The following CHODL variants were observed in gnomAD, a reference collection of about 807,000 sequenced individuals.
CHODL encodes transmembrane protein MT75.
Under a neutral mutation model 34.5 loss-of-function variants are expected in CHODL, and 29 were observed. The observed-to-expected ratio is 0.84, with a 90% CI of 0.63 to 1.15. The LOEUF is 1.15. Among genes scored for constraint, CHODL ranks in the 50% most tolerant of loss-of-function variants. The probability of loss-of-function intolerance (pLI) is 0.00; values close to 1 mark genes in which losing one functional copy is unlikely to be tolerated. For missense variants in CHODL, 332 were observed against 332.5 expected, an observed-to-expected ratio of 1.00 and a Z score of 0.01; for synonymous variants, 125 against 116.1, an observed-to-expected ratio of 1.08 and a Z score of -0.49.
intron 1 of CHODL, among the ~76,000 whole-genome samples, chr21:17,945,329 TACAC>T (rs1290586078): frequency 1.3e-5 from 2 of 151,324 alleles, no homozygotes; most frequent in African/African-American, 4.9e-5. Context: ...ATTACAAAAA[TACAC>T]AGATAGATTT....
intron 1 of CHODL, among the ~76,000 whole-genome samples, chr21:18,018,561 A>G (rs1223290025): frequency 1.3e-5 from 2 of 152,164 alleles, no homozygotes; most frequent in Non-Finnish European, 2.9e-5. Flanking sequence ...GCCGTGAGTA[A>G]AAGCTTCCTG....
At position 18,230,858 on chromosome 21, in the gene CHODL, CTT is replaced by C. The variant is rs533912006; in HGVS notation, c.-44-25649_-44-25648del. ...ACTAAAATTATTTTTATGCTAATGA[CTT>C]TCTCAAAAGATGATTATAAAAGAAG... On this transcript the variant is annotated intron_variant, in intron 2 of 6. Transcript: ENST00000400127. Among the ~76,000 whole-genome samples the C allele has an allele frequency of 3.7e-3, 567 of 152,164 alleles. 3 individuals carry two copies. The highest frequency in any genetic ancestry group is 6.1e-3 in the Non-Finnish European group (416 of 67,978).
chr21:18,086,356 G>A (rs2065007555), intron 2 of CHODL, among the ~76,000 whole-genome samples: 2 of 151,870 alleles, frequency 1.3e-5, no homozygotes, highest in Admixed American at 1.3e-4. Context: ...GCATTTCAAG[G>A]AATTCTTTTT....
intron 2 of CHODL, among the ~76,000 whole-genome samples, chr21:18,118,203 C>T (rs529004874): frequency 1.3e-5 from 2 of 152,210 alleles, no homozygotes; most frequent in South Asian, 2.1e-4. Context: ...TGTCTTAATT[C>T]GCTCAGTAAA....
chr21:17,996,262 G>T (rs571453348), intron 1 of CHODL, among the ~76,000 whole-genome samples: 1 of 152,278 alleles, frequency 6.6e-6, no homozygotes, highest in East Asian at 1.9e-4. Flanking sequence ...ATAGTCTAAA[G>T]AATAGGGAAA....
rs2063335394 is a variant in CHODL, at chr21:17,938,489, TTTTTAA to T, written c.-145+21090_-145+21095del. Among the ~76,000 whole-genome samples the T allele has an allele frequency of 8.1e-4, 2 of 2,470 alleles. 1 individual carries two copies. The allele number at this position is 2,470 out of a possible 152,430, so 1.6% of individuals were successfully genotyped here. On this transcript the variant is annotated intron_variant, in intron 1 of 6. Transcript: ENST00000400127. ...TTTTTTTTTTTTTTTTTTTTTTTTTTTTTTAAGGAAAGGGAGTCTCGCTCCATCGCC... is the reference window on the plus strand; with the variant it reads ...TTTTTTTTTTTTTTTTTTTTTTTTTTGGAAAGGGAGTCTCGCTCCATCGCC...
At chr21:18,078,514 A>C (rs1015846580) in intron 2 of CHODL, among the ~76,000 whole-genome samples, 23 of 152,146 alleles carry the variant, frequency 1.5e-4, no homozygotes, top group Non-Finnish European at 3.4e-4. Context: ...TAGAATATTA[A>C]ATGTACTAAA....
At chr21:17,950,497 AACACACACAC>A (rs200120318) in intron 1 of CHODL, among the ~76,000 whole-genome samples, 4 of 130,390 alleles carry the variant, frequency 3.1e-5, no homozygotes, top group Non-Finnish European at 4.8e-5. Context: ...CTAGATACAC[AACACACACAC>A]ACACACACAC....
chr21:17,973,493 T>C lies in CHODL; in HGVS notation c.-144-54379T>C, dbSNP rs568365941. Among the ~76,000 whole-genome samples the C allele has an allele frequency of 2.0e-5, 3 of 149,216 alleles. No homozygotes were observed. The East Asian group carries it at 6.0e-4, about 30-fold the overall frequency. On this transcript the variant is annotated intron_variant, in intron 1 of 6. Coordinates refer to the CHODL transcript ENST00000400127. ...GTGCAATGGCTCAATCTCGGCTCAC[T>C]GCGAGCTCTGCCTTCCGAGTTCACG...
rs143326614 is a variant in CHODL, at chr21:18,185,485, C to T, written c.-44-71024C>T. 5.9e-3 allele frequency among the ~76,000 whole-genome samples: 902 copies of T among 152,248 alleles called. 13 individuals carry two copies. The highest frequency in any genetic ancestry group is 0.019 in the African/African-American group (793 of 41,536). On this transcript the variant is annotated intron_variant, in intron 2 of 6. Transcript: ENST00000400127. Reference sequence around the variant, plus strand: ...TGTGAACACTGCTGCAATAAACATACGGGTGCTTGTGTCTTTATAGTAGAA... The same window carrying T: ...TGTGAACACTGCTGCAATAAACATATGGGTGCTTGTGTCTTTATAGTAGAA...
intron 1 of CHODL, among the ~76,000 whole-genome samples, chr21:18,247,892 T>A (rs904093136): frequency 6.6e-6 from 1 of 152,026 alleles, no homozygotes; most frequent in Non-Finnish European, 1.5e-5. Context: ...AGGATTTTAC[T>A]TGTAGGCATA....
At chr21:18,116,243 C>G (rs923124014) in intron 2 of CHODL, among the ~76,000 whole-genome samples, 1 of 152,084 alleles carries the variant, frequency 6.6e-6, no homozygotes, top group African/African-American at 2.4e-5. Flanking sequence ...ACCCATATGG[C>G]CCCTTCTGTT....
At chr21:18,163,703 T>C (rs1239463551) in intron 2 of CHODL, among the ~76,000 whole-genome samples, 1 of 152,174 alleles carries the variant, frequency 6.6e-6, no homozygotes, top group Non-Finnish European at 1.5e-5. Context: ...TTTTGCTTGT[T>C]TGGGGGCTAT....
chr21:18,211,164 A>ACACACACACACACACACACACACACT (rs1408780890), intron 2 of CHODL, among the ~76,000 whole-genome samples: 1 of 151,334 alleles, frequency 6.6e-6, no homozygotes, highest in Non-Finnish European at 1.5e-5. Context: ...ACACACACAC[A>ACACACACACACACACACACACACACT]CACACTCACA....
chr21:17,946,032 T>C (rs1460612674), intron 1 of CHODL, among the ~76,000 whole-genome samples: 2 of 152,058 alleles, frequency 1.3e-5, no homozygotes, highest in African/African-American at 2.4e-5. Context: ...GACAGAGAGT[T>C]AGCAAGGTTG....
intron 1 of CHODL, among the ~76,000 whole-genome samples, chr21:18,008,315 T>C (rs1172816160): frequency 2.9e-4 from 4 of 13,872 alleles, no homozygotes; most frequent in Non-Finnish European, 4.9e-4. Flanking sequence ...TCTTTGTTTG[T>C]GTGTGTGTGT....
At chr21:18,009,463 CATTTT>C (rs1337745906) in intron 1 of CHODL, among the ~76,000 whole-genome samples, 4 of 151,942 alleles carry the variant, frequency 2.6e-5, no homozygotes, top group African/African-American at 9.7e-5. Flanking sequence ...ACACAAAGCA[CATTTT>C]ATTTAGATAA....
intron 1 of CHODL, among the ~76,000 whole-genome samples, chr21:17,997,266 C>G (rs369083718): frequency 6.6e-6 from 1 of 152,212 alleles, no homozygotes; most frequent in East Asian, 1.9e-4. Flanking sequence ...AAGCTGCAAT[C>G]CAAAACCTGT....
At chr21:18,070,000 T>TTCCCTTCCCTTCCCG (rs2064778661) in intron 2 of CHODL, among the ~76,000 whole-genome samples, 1 of 64,842 alleles carries the variant, frequency 1.5e-5, no homozygotes, top group Non-Finnish European at 3.9e-5. Context: ...TTCCCTTCCC[T>TTCCCTTCCCTTCCCG]TCCCTTCCCT....
Sources: gnomAD v4.1 joint callset for allele counts (sites outside exome capture counted in the v4.1 genomes callset) on GRCh38, gnomAD v4.1.1 for gene constraint, MANE v1.5 for transcripts, NCBI Gene and HGNC (gene_info 2026-07-23, HGNC 2026-07-21) for gene names.